KLHL5: variants seen among roughly 807,000 people sequenced by gnomAD.
The protein encoded by KLHL5 is kelch-like protein 5.
Under a neutral mutation model 77.7 loss-of-function variants are expected in KLHL5, and 48 were observed. The observed-to-expected ratio is 0.62, with a 90% CI of 0.49 to 0.79. KLHL5 has a LOEUF of 0.79. Ranked by LOEUF, KLHL5 falls within the 30% of genes least tolerant of loss-of-function variation. The pLI is 0.00. For missense variants in KLHL5, 723 were observed against 859.7 expected, an observed-to-expected ratio of 0.84 and a Z score of 1.99; for synonymous variants, 260 against 297.0, an observed-to-expected ratio of 0.88 and a Z score of 1.28.
intron 2 of KLHL5, among the ~76,000 whole-genome samples, chr4:39,079,028 A>G (rs1020149126): frequency 6.6e-6 from 1 of 152,250 alleles, no homozygotes; most frequent in Non-Finnish European, 1.5e-5. Context: ...ACTGTGACAG[A>G]AAGTCCAGGT....
chr4:39,051,546 T>A (rs1716647016), intron 1 of KLHL5, among the ~76,000 whole-genome samples: 1 of 152,172 alleles, frequency 6.6e-6, no homozygotes, highest in African/African-American at 2.4e-5. Flanking sequence ...CAGAAGGCTA[T>A]CAGACAGGAA....
upstream of KLHL5, among the ~76,000 whole-genome samples, chr4:39,057,668 T>A (rs1717096689): frequency 6.6e-6 from 1 of 152,184 alleles, no homozygotes. Context: ...AACTTACTCT[T>A]TTTATAACTG....
chr4:39,081,880 A>G lies in KLHL5; in HGVS notation c.704-83A>G. The G allele has an allele frequency of 1.0e-6, 1 of 999,736 alleles. No homozygotes were observed. The highest frequency in any genetic ancestry group is 1.9e-5 in the South Asian group (1 of 53,032). 61.9% of individuals were successfully genotyped at this position (999,736 alleles called of 1,614,324 possible). ...ATGCATGTAATGAGCTCTTATATGGAACCACTACTGTTAACATCAATTATT... is the reference window on the plus strand; with the variant it reads ...ATGCATGTAATGAGCTCTTATATGGGACCACTACTGTTAACATCAATTATT... On this transcript the variant is annotated intron_variant, in intron 3 of 10. Transcript: ENST00000504108. The surrounding 1 kb of genome is among the most constrained non-coding windows in gnomAD (Gnocchi z 4.3).
intron 5 of KLHL5, among the ~76,000 whole-genome samples, chr4:39,090,828 G>T (rs1720469415): frequency 6.6e-6 from 1 of 151,352 alleles, no homozygotes; most frequent in African/African-American, 2.4e-5. Flanking sequence ...TTTGAGGCAG[G>T]GTCTCACTCT....
At chr4:39,100,503 A>G (rs1411814124) in intron 6 of KLHL5, among the ~76,000 whole-genome samples, 1 of 152,208 alleles carries the variant, frequency 6.6e-6, no homozygotes, top group Admixed American at 6.5e-5. Flanking sequence ...CACTTAGCCT[A>G]TATTATTTCA....
chr4:39,067,381 G>A (rs1181604224), intron 1 of KLHL5, among the ~76,000 whole-genome samples: 2 of 152,066 alleles, frequency 1.3e-5, no homozygotes, highest in Non-Finnish European at 2.9e-5. Flanking sequence ...TCATATCAAA[G>A]ATACACACCA....
At chr4:39,115,003 T>G (rs1182799147) in intron 9 of KLHL5, among the ~76,000 whole-genome samples, 156 bp from the exon 10 acceptor site, 1 of 152,226 alleles carries the variant, frequency 6.6e-6, no homozygotes, top group Non-Finnish European at 1.5e-5. Flanking sequence ...AAGTTAAAGT[T>G]TTCAGAGAAA....
intron 2 of KLHL5, among the ~76,000 whole-genome samples, chr4:39,079,080 T>C (rs1481336856): frequency 6.6e-6 from 1 of 152,096 alleles, no homozygotes; most frequent in Non-Finnish European, 1.5e-5. Flanking sequence ...CAACCCGAAT[T>C]TCATAGAGGC....
intron 8 of KLHL5, among the ~76,000 whole-genome samples, chr4:39,111,644 T>G (rs1166218166): frequency 1.3e-5 from 2 of 152,218 alleles, no homozygotes; most frequent in Non-Finnish European, 2.9e-5. Context: ...ATGATAAGAA[T>G]AATATTAAGA....
At chr4:39,054,878 T>TAA (rs1193492191) in intron 1 of KLHL5, among the ~76,000 whole-genome samples, 2 of 152,206 alleles carry the variant, frequency 1.3e-5, no homozygotes, top group African/African-American at 4.8e-5. Flanking sequence ...GCTTACTCGT[T>TAA]GAATTGAGTA....
At chr4:39,085,535 G>A (rs1719964464) in intron 4 of KLHL5, among the ~76,000 whole-genome samples, 2 of 152,178 alleles carry the variant, frequency 1.3e-5, no homozygotes, top group Admixed American at 6.6e-5. Context: ...TATGTGTCTA[G>A]TATTTGCATT....
At chr4:39,074,095 A>G (rs990140278) in intron 1 of KLHL5, among the ~76,000 whole-genome samples, 3 of 152,194 alleles carry the variant, frequency 2.0e-5, no homozygotes, top group Admixed American at 2.0e-4. Context: ...TTTTTATAAT[A>G]ATGATCTTAA....
At chr4:39,053,038 TC>T (rs551812890) in intron 1 of KLHL5, among the ~76,000 whole-genome samples, 249 of 152,328 alleles carry the variant, frequency 1.6e-3, no homozygotes, top group Non-Finnish European at 3.0e-3. Flanking sequence ...TGGTGGCTTT[TC>T]TTTGGGTCTA....
chr4:39,062,367 G>A lies in KLHL5; in HGVS notation c.-286G>A, dbSNP rs112929421. ...CTAATGGTCAGTATGGGAAAGGAGA[G>A]CCGGGAAAGTGGTCTAGCTGCTTCA... On this transcript the variant is annotated 5_prime_UTR_variant, in exon 1 of 11. Coordinates refer to ENST00000504108, the MANE Select transcript of KLHL5 (RefSeq NM_015990.5). 101 of 1,438,242 alleles carry A rather than the reference G, an allele frequency of 7.0e-5. No individual in the cohort carries two copies. The Middle Eastern group carries it at 1.0e-3, about 15-fold the overall frequency. The allele number at this position is 1,438,242 out of a possible 1,614,324, so 89.1% of individuals were successfully genotyped here.
intron 1 of KLHL5, among the ~76,000 whole-genome samples, chr4:39,070,215 T>A (rs1344794220): frequency 6.6e-6 from 1 of 152,128 alleles, no homozygotes; most frequent in Non-Finnish European, 1.5e-5. Flanking sequence ...CTTCTACACC[T>A]CTGACCATTC....
intron 1 of KLHL5, among the ~76,000 whole-genome samples, chr4:39,045,702 C>T (rs1716129661): frequency 6.6e-6 from 1 of 151,986 alleles, no homozygotes; most frequent in South Asian, 2.1e-4. Flanking sequence ...TTTGCTATGT[C>T]AGAGAGTAAA....
At chr4:39,139,225 T>C in the KLHL5 span, among the ~76,000 whole-genome samples, 1 of 142,540 alleles carries the variant, frequency 7.0e-6, no homozygotes, top group Non-Finnish European at 1.5e-5. Flanking sequence ...GAGGTTGCAG[T>C]GAGCCGAGAT....
intron 4 of KLHL5, among the ~76,000 whole-genome samples, chr4:39,084,466 C>G (rs1346341295): frequency 6.6e-6 from 1 of 152,172 alleles, no homozygotes; most frequent in Non-Finnish European, 1.5e-5. Context: ...AATTGTCTTT[C>G]TCAATCTAGA....
intron 10 of KLHL5, among the ~76,000 whole-genome samples, chr4:39,118,773 C>T (rs1359170083): frequency 1.3e-5 from 2 of 151,588 alleles, no homozygotes; most frequent in Admixed American, 6.6e-5. Flanking sequence ...AAAAAGCAGA[C>T]TGGTCACCCT....
Sources: gnomAD v4.1 joint callset for allele counts (sites outside exome capture counted in the v4.1 genomes callset) on GRCh38, gnomAD v4.1.1 for gene constraint, Gnocchi (gnomAD v3.1) non-coding constraint, MANE v1.5 for transcripts, NCBI Gene and HGNC (gene_info 2026-07-23, HGNC 2026-07-21) for gene names.